MCF2L2: variants seen among roughly 807,000 people sequenced by gnomAD.
MCF2L2 encodes the protein MCF.2 cell line derived transforming sequence-like 2.
A neutral mutation model predicts 150.2 loss-of-function variants in MCF2L2; 102 were observed. The observed-to-expected ratio is 0.68, with a 90% CI of 0.58 to 0.80. MCF2L2 has a LOEUF of 0.80. MCF2L2 is among the 30% of genes least tolerant of loss of function. The pLI is 0.00. For synonymous variants in MCF2L2, 465 were observed against 491.3 expected, an observed-to-expected ratio of 0.95 and a Z score of 0.71; for missense variants, 1,256 against 1,372.8, an observed-to-expected ratio of 0.91 and a Z score of 1.34.
chr3:183,179,613 C>A lies in MCF2L2; in HGVS notation c.3185G>T (p.Ser1062Ile), dbSNP rs773223867. ...KSAFLERGES[S>I]QGEKEERDEE... The stretch of plus-strand genomic sequence containing the variant: ...ATCGCGTTCTTCTTTTTCTCCCTGG[C>A]TGCTTTCTCCCCTCTCCAGGAAAGC... The change falls in exon 29 of 30, where the codon AGC (serine) becomes ATC (isoleucine). Residue 1062 changes from serine to isoleucine, a missense_variant. Ser to Ile is a moderately radical substitution (Grantham distance 142, BLOSUM62 -2). Transcript: ENST00000328913. This position sits in a 1 kb window ranked among gnomAD's most constrained non-coding sequence, Gnocchi z 4.2. 3.7e-6 allele frequency: 6 copies of A among 1,614,172 alleles called. No individual in the cohort carries two copies. In the South Asian group the frequency reaches 6.6e-5, roughly 18 times the overall value.
chr3:183,244,263 T>G (rs1343904155), intron 15 of MCF2L2, among the ~76,000 whole-genome samples: 2 of 151,734 alleles, frequency 1.3e-5, no homozygotes, highest in Non-Finnish European at 2.9e-5. Context: ...CAGTGCTGGA[T>G]GCTTCCTGCC....
intron 15 of MCF2L2, among the ~76,000 whole-genome samples, chr3:183,234,721 A>G (rs1177779641): frequency 2.1e-5 from 2 of 97,558 alleles, no homozygotes; most frequent in African/African-American, 4.1e-5. Flanking sequence ...TTATACTCTA[A>G]GTTTTAGGGT....
At chr3:183,231,935 G>A (rs919033045) in intron 15 of MCF2L2, among the ~76,000 whole-genome samples, 15 of 152,082 alleles carry the variant, frequency 9.9e-5, no homozygotes, top group Admixed American at 7.2e-4. Flanking sequence ...AATTTAAGAC[G>A]GTCCCCAAGA....
At chr3:183,201,773 G>T (rs1345772745) in intron 25 of MCF2L2, among the ~76,000 whole-genome samples, 2 of 152,120 alleles carry the variant, frequency 1.3e-5, no homozygotes, top group East Asian at 1.9e-4. Context: ...GTCATAAATA[G>T]TTCTCATTAT....
At position 183,311,849 on chromosome 3, in the gene MCF2L2, G is replaced by A; in HGVS notation, c.754-77C>T. 3 of 1,292,242 alleles carry A rather than the reference G, an allele frequency of 2.3e-6. No homozygotes were observed. In the East Asian group the frequency reaches 7.4e-5, roughly 32 times the overall value. The allele number at this position is 1,292,242 out of a possible 1,614,324, so 80.0% of individuals were successfully genotyped here. A position where few individuals can be genotyped will look rare whatever the true frequency, so the allele number is the denominator to read the frequency against. ...TGGTAGAATTGAGGTGAAGAGAATA[G>A]TAGATCAGTACATTTTTCATTTAGG... is the stretch of plus-strand genomic sequence containing the variant. On this transcript the variant is annotated intron_variant, in intron 7 of 29. Coordinates refer to ENST00000328913, the MANE Select transcript of MCF2L2 (RefSeq NM_015078.4).
In MCF2L2 at chr3:183,310,357, C is replaced by T. The variant is rs962727857; in HGVS notation, c.994-522G>A. On this transcript the variant is annotated intron_variant, in intron 9 of 29. Coordinates refer to ENST00000328913, the MANE Select transcript of MCF2L2 (RefSeq NM_015078.4). ...CTCTACCAAAAATACAAAAAATTAGCTGAGTGTGGTGGTGGGCACCTGTAG... is the reference window on the plus strand; with the variant it reads ...CTCTACCAAAAATACAAAAAATTAGTTGAGTGTGGTGGTGGGCACCTGTAG... 9.9e-5 allele frequency among the ~76,000 whole-genome samples: 15 copies of T among 152,072 alleles called. No homozygotes were observed. The East Asian group carries it at 2.9e-3, about 29-fold the overall frequency.
intron 15 of MCF2L2, among the ~76,000 whole-genome samples, chr3:183,240,509 C>T (rs931932342): frequency 5.3e-5 from 8 of 152,210 alleles, no homozygotes; most frequent in South Asian, 4.1e-4. Context: ...TGAGAAACCA[C>T]GCCTAGTCCC....
At chr3:183,423,916 CCGG>C (rs57041872) in intron 1 of MCF2L2, among the ~76,000 whole-genome samples, 12,885 of 151,996 alleles carry the variant, frequency 0.085, 568 homozygotes, top group African/African-American at 0.095. Context: ...GCCACTGCGC[CCGG>C]CGACATGGCC....
intron 27 of MCF2L2, 67 bp downstream of exon 27, chr3:183,192,932 T>TGA (rs1389677917): frequency 8.4e-6 from 10 of 1,187,118 alleles, no homozygotes; most frequent in Non-Finnish European, 1.2e-5. Flanking sequence ...ATGTCTTCCT[T>TGA]AGCATCTAAG....
chr3:183,349,744 C>A, intron 3 of MCF2L2, among the ~76,000 whole-genome samples: 1 of 152,224 alleles, frequency 6.6e-6, no homozygotes, highest in Admixed American at 6.5e-5. Context: ...GCAAGCCTGG[C>A]TTTCAGACTC....
At chr3:183,379,262 G>T in intron 3 of MCF2L2, 35 bp downstream of exon 3, 1 of 1,496,734 alleles carries the variant, frequency 6.7e-7, no homozygotes, top group Middle Eastern at 1.9e-4. Flanking sequence ...AATAAAGCCA[G>T]TGCCTAAGGC....
chr3:183,377,685 A>C (rs1713266656), intron 3 of MCF2L2: 1 of 152,252 alleles, frequency 6.6e-6, no homozygotes, highest in African/African-American at 2.4e-5. Context: ...ATTTAAAAAA[A>C]GACTCTGTGA....
intron 6 of MCF2L2, among the ~76,000 whole-genome samples, chr3:183,319,053 C>A (rs1033382482): frequency 4.6e-5 from 7 of 152,158 alleles, no homozygotes; most frequent in African/African-American, 1.7e-4. Flanking sequence ...CTGTAGCATG[C>A]GAAACTGTTT....
At chr3:183,239,289 A>T (rs894567065) in intron 15 of MCF2L2, among the ~76,000 whole-genome samples, 8 of 152,044 alleles carry the variant, frequency 5.3e-5, no homozygotes, top group African/African-American at 1.7e-4. Flanking sequence ...CCCTTAGCTC[A>T]TTAAAGGGGA....
chr3:183,310,946 T>G lies in MCF2L2; in HGVS notation c.962A>C (p.Gln321Pro), dbSNP rs183495526. 1 of 1,613,920 alleles carries G rather than the reference T, an allele frequency of 6.2e-7. No homozygotes were observed. The highest frequency in any genetic ancestry group is 1.7e-5 in the Admixed American group (1 of 59,998). Reference sequence around the variant, plus strand: ...AAAATCGTGCTCAAAATGCTGTAGTTGTAGGCACTGGTTAAGCTTCAGATG... The same window carrying G: ...AAAATCGTGCTCAAAATGCTGTAGTGGTAGGCACTGGTTAAGCTTCAGATG... ...EHHLKLNQCL[Q>P]LQHFEHDFCK... The change falls in exon 9 of 30, where the codon CAA (glutamine) becomes CCA (proline). Residue 321 changes from glutamine to proline, a missense_variant. Gln to Pro is a moderately conservative substitution (Grantham distance 76, BLOSUM62 -1). Coordinates refer to ENST00000328913, the MANE Select transcript of MCF2L2 (RefSeq NM_015078.4).
intron 3 of MCF2L2, among the ~76,000 whole-genome samples, chr3:183,349,715 C>T (rs1048827648): frequency 3.3e-5 from 5 of 152,230 alleles, no homozygotes; most frequent in Admixed American, 2.0e-4. Context: ...AACAGAATAA[C>T]TTGCCTGATA....
chr3:183,289,032 A>G, intron 14 of MCF2L2, 88 bp downstream of exon 14: 1 of 888,216 alleles, frequency 1.1e-6, no homozygotes, highest in Non-Finnish European at 1.8e-6. Context: ...CAGATTAAGG[A>G]AACACAATTT....
Position 183,428,465 on chromosome 3 carries a change from C to A in MCF2L2, c.-488G>T. On this transcript the variant is annotated 5_prime_UTR_variant, in exon 1 of 30. Coordinates refer to ENST00000328913, the MANE Select transcript of MCF2L2 (RefSeq NM_015078.4). This position sits in a 1 kb window ranked among gnomAD's most constrained non-coding sequence, Gnocchi z 5.1. ...CCCACCTCGTCCAGCCCACGGGTGG[C>A]GCCCGGGGCTCTCGGGGAGGCACGC... The A allele has an allele frequency of 6.4e-6, 1 of 155,286 alleles. No individual in the cohort carries two copies. Among genetic ancestry groups the A allele is most frequent in the Non-Finnish European group, 1.4e-5 (1 of 70,310 alleles). The allele number at this position is 155,286 out of a possible 1,614,324, so 9.6% of individuals were successfully genotyped here.
At chr3:183,366,242 C>A (rs987597451) in intron 3 of MCF2L2, among the ~76,000 whole-genome samples, 1 of 152,154 alleles carries the variant, frequency 6.6e-6, no homozygotes, top group Non-Finnish European at 1.5e-5. Context: ...TGCTACAAAT[C>A]GATGGATCAA....
Sources: gnomAD v4.1 joint callset for allele counts (sites outside exome capture counted in the v4.1 genomes callset) on GRCh38, gnomAD v4.1.1 for gene constraint, Gnocchi (gnomAD v3.1) non-coding constraint, MANE v1.5 for transcripts, NCBI Gene and HGNC (gene_info 2026-07-23, HGNC 2026-07-21) for gene names.